The following PTPRG variants were observed in gnomAD, a reference collection of about 807,000 sequenced individuals.
PTPRG encodes the protein receptor-type tyrosine-protein phosphatase gamma.
Under a neutral mutation model 165.3 loss-of-function variants are expected in PTPRG, and 102 were observed. The observed-to-expected ratio is 0.62, with a 90% confidence interval of 0.53 to 0.73. The LOEUF is 0.73. PTPRG is among the 30% of genes least tolerant of loss of function. The probability of loss-of-function intolerance (pLI) is 0.00; values close to 1 mark genes in which losing one functional copy is unlikely to be tolerated. For missense variants in PTPRG, 1,866 were observed against 1,861.4 expected (o/e 1.00, Z -0.05); for synonymous variants, 675 against 669.5 (o/e 1.01, Z -0.13).
intron 2 of PTPRG, among the ~76,000 whole-genome samples, chr3:61,870,764 G>A (rs2037548765): frequency 6.6e-6 from 1 of 151,702 alleles, no homozygotes; most frequent in African/African-American, 2.4e-5. Flanking sequence ...TGTATAAATG[G>A]TAAAGTTCTA....
At chr3:61,814,746 C>CT (rs2035703541) in intron 2 of PTPRG, among the ~76,000 whole-genome samples, 1 of 150,936 alleles carries the variant, frequency 6.6e-6, no homozygotes, top group Admixed American at 6.7e-5. Context: ...TCTTATCTCA[C>CT]TTTTTTCTTC....
chr3:61,693,320 T>G (rs1034831853), intron 1 of PTPRG, among the ~76,000 whole-genome samples: 1 of 152,150 alleles, frequency 6.6e-6, no homozygotes, highest in Non-Finnish European at 1.5e-5. Context: ...TAAGAGAAAA[T>G]TCAGATGCTT....
intron 19 of PTPRG, 71 bp from the exon 20 acceptor site, chr3:62,268,964 T>G: frequency 7.1e-7 from 1 of 1,400,220 alleles, no homozygotes; most frequent in Non-Finnish European, 9.5e-7. Context: ...ACATTGTCGT[T>G]TGAAATTACA....
intron 2 of PTPRG, among the ~76,000 whole-genome samples, chr3:61,817,038 A>AATATAAAT (rs1559628288): frequency 6.8e-5 from 9 of 132,208 alleles, no homozygotes; most frequent in African/African-American, 2.5e-4. Context: ...TATAGTATAT[A>AATATAAAT]ATATATAATA....
At chr3:61,916,763 TGAA>T (rs915571198) in intron 2 of PTPRG, among the ~76,000 whole-genome samples, 1 of 152,226 alleles carries the variant, frequency 6.6e-6, no homozygotes, top group Non-Finnish European at 1.5e-5. Flanking sequence ...ATTTTTCAAA[TGAA>T]GACACTGAGG....
chr3:62,199,965 T>C (rs1700059249), intron 10 of PTPRG, among the ~76,000 whole-genome samples: 1 of 152,214 alleles, frequency 6.6e-6, no homozygotes, highest in Admixed American at 6.5e-5. Context: ...TGGATGAAGC[T>C]TGAGGACGTT....
chr3:62,281,124 C>CTTAT (rs1209665859), intron 26 of PTPRG, among the ~76,000 whole-genome samples: 1 of 151,758 alleles, frequency 6.6e-6, no homozygotes, highest in Non-Finnish European at 1.5e-5. Flanking sequence ...AGAAAACTTA[C>CTTAT]AGTGTTTATG....
chr3:61,610,677 C>A (rs1452735620), intron 1 of PTPRG, among the ~76,000 whole-genome samples: 1 of 152,062 alleles, frequency 6.6e-6, no homozygotes. Context: ...CCATTCCTTT[C>A]ACAGGTAGGT....
intron 2 of PTPRG, among the ~76,000 whole-genome samples, chr3:61,945,980 T>G (rs2039751395): frequency 7.5e-6 from 1 of 132,728 alleles, no homozygotes. Flanking sequence ...CAGCCAACTT[T>G]CTTGATTGAT....
chr3:62,104,757 T>TTGTTCCC (rs1463846624), intron 5 of PTPRG, among the ~76,000 whole-genome samples: 3 of 152,210 alleles, frequency 2.0e-5, no homozygotes, highest in Non-Finnish European at 4.4e-5. Context: ...TGTGCATTAC[T>TTGTTCCC]ACTAGCGGGA....
chr3:61,828,139 T>G (rs1433708720), intron 2 of PTPRG, among the ~76,000 whole-genome samples: 2 of 152,196 alleles, frequency 1.3e-5, no homozygotes, highest in African/African-American at 4.8e-5. Flanking sequence ...TACATGCCCT[T>G]TTTTTCTCAG....
At chr3:62,013,837 C>T (rs544410334) in intron 4 of PTPRG, among the ~76,000 whole-genome samples, 2 of 150,360 alleles carry the variant, frequency 1.3e-5, no homozygotes, top group South Asian at 4.2e-4. Flanking sequence ...TTCTTTTTTG[C>T]AACATTTGTT....
At chr3:61,776,941 A>G (rs2034401525) in intron 2 of PTPRG, among the ~76,000 whole-genome samples, 2 of 152,106 alleles carry the variant, frequency 1.3e-5, no homozygotes, top group Admixed American at 1.3e-4. Context: ...AACTGTAGCT[A>G]ACTATTGACT....
chr3:62,115,901 T>C (rs1702848570), intron 5 of PTPRG, among the ~76,000 whole-genome samples: 1 of 152,224 alleles, frequency 6.6e-6, no homozygotes, highest in Non-Finnish European at 1.5e-5. Flanking sequence ...ATAAGTTTCC[T>C]ATGATGTTTT....
At chr3:61,702,853 A>G (rs2031048691) in intron 1 of PTPRG, among the ~76,000 whole-genome samples, 1 of 152,250 alleles carries the variant, frequency 6.6e-6, no homozygotes. Context: ...ATACAACTAT[A>G]CAACAGTTTG....
Position 62,074,325 on chromosome 3 carries a change from C to A in PTPRG, c.520-3838C>A, listed in dbSNP as rs373663283. Among the ~76,000 whole-genome samples the A allele has an allele frequency of 3.2e-3, 425 of 131,110 alleles. 4 individuals are homozygous for A. The highest frequency in any genetic ancestry group is 0.012 in the African/African-American group (410 of 34,362). The allele number at this position is 131,110 out of a possible 152,430, so 86.0% of individuals were successfully genotyped here. On this transcript the variant is annotated intron_variant, in intron 4 of 29. Coordinates refer to ENST00000474889, the MANE Select transcript of PTPRG (RefSeq NM_002841.4). Reference sequence around the variant, plus strand: ...TGCTGGATTTTCCAGATCTTTTTTTCTTTTTTTCCTTTCTTTTCTTTTCTT... The same window carrying A: ...TGCTGGATTTTCCAGATCTTTTTTTATTTTTTTCCTTTCTTTTCTTTTCTT...
chr3:61,571,172 G>C (rs1032805553), intron 1 of PTPRG, among the ~76,000 whole-genome samples: 36 of 152,158 alleles, frequency 2.4e-4, no homozygotes, highest in African/African-American at 7.0e-4. Context: ...ATCATCCCTG[G>C]AAGTATGAAC....
At chr3:62,259,504 T>A (rs60175832) in intron 16 of PTPRG, among the ~76,000 whole-genome samples, 1,718 of 152,318 alleles carry the variant, frequency 0.011, 32 homozygotes, top group African/African-American at 0.038. Flanking sequence ...CTGTGGGCCA[T>A]GGATTGGATA....
At chr3:61,585,114 G>T (rs1391868344) in intron 1 of PTPRG, among the ~76,000 whole-genome samples, 1 of 150,602 alleles carries the variant, frequency 6.6e-6, no homozygotes, top group African/African-American at 2.4e-5. Context: ...AACCCCATCT[G>T]TATTAAAAAT....
Sources: allele counts gnomAD v4.1 joint callset (sites outside exome capture counted in the v4.1 genomes callset), GRCh38; gene constraint gnomAD v4.1.1; transcripts MANE v1.5; gene names NCBI Gene and HGNC (gene_info 2026-07-23, HGNC 2026-07-21).